Variants in FAT1 observed in about 807,000 individuals in gnomAD.
FAT1 encodes the protein FAT atypical cadherin 1, also known as protocadherin Fat 1.
FAT1 carries 171 observed loss-of-function variants against 329.8 expected under a neutral mutation model. The observed-to-expected ratio is 0.52, with a 90% confidence interval of 0.46 to 0.59. The LOEUF (loss-of-function observed/expected upper bound fraction) is 0.59. Ranked by LOEUF, FAT1 falls within the 20% of genes least tolerant of loss-of-function variation. The pLI, the probability that FAT1 is intolerant of heterozygous loss-of-function variation, is 0.00. For missense variants in FAT1, 5,672 were observed against 5,774.4 expected (o/e 0.98, Z 0.57); for synonymous variants, 2,233 against 2,228.6 (o/e 1.00, Z -0.06).
chr4:186,637,175 G>A (rs573082189), intron 4 of FAT1, among the ~76,000 whole-genome samples: 52 of 152,226 alleles, frequency 3.4e-4, no homozygotes, highest in African/African-American at 1.2e-3. Flanking sequence ...TCCTGACCAC[G>A]CAGGCTCTCT....
intron 2 of FAT1, among the ~76,000 whole-genome samples, chr4:186,671,766 G>A (rs327081): frequency 0.33 from 50,000 of 151,890 alleles, 9,003 homozygotes; most frequent in East Asian, 0.73. Flanking sequence ...CTCATAAATC[G>A]AAACCTTTGA....
intron 6 of FAT1, 146 bp from the exon 7 acceptor site, chr4:186,633,969 G>A (rs1395329123): frequency 1.2e-6 from 1 of 817,568 alleles, no homozygotes; most frequent in Non-Finnish European, 1.8e-6. Context: ...AAAGAAAAGA[G>A]TGGCCAATTA....
chr4:186,609,686 A>G, intron 15 of FAT1, 115 bp downstream of exon 15: 2 of 735,508 alleles, frequency 2.7e-6, no homozygotes, highest in Admixed American at 2.5e-5. Flanking sequence ...AGACACTTTC[A>G]AATCTCCAAA....
In FAT1 at chr4:186,709,401, T is replaced by G; in HGVS notation, c.427A>C (p.Asn143His). The change falls in exon 2 of 27, where the codon AAT becomes CAT. Residue 143 changes from asparagine (N) to histidine (H), a missense_variant. Transcript: ENST00000441802. The part of the protein sequence containing the change: ...TKVRVQVLDT[N>H]DLRPLFSPTS... ...GGTGAGAATAACGGTCTCAAGTCAT[T>G]TGTATCCAGCACCTGCACCCTGACC... is the stretch of plus-strand genomic sequence containing the variant. The G allele has an allele frequency of 6.2e-7, 1 of 1,613,952 alleles. No individual in the cohort carries two copies. The highest frequency in any genetic ancestry group is 8.5e-7 in the Non-Finnish European group (1 of 1,179,890).
chr4:186,591,258 G>A (rs913759038), intron 26 of FAT1, among the ~76,000 whole-genome samples: 5 of 152,194 alleles, frequency 3.3e-5, no homozygotes, highest in East Asian at 1.9e-4. Flanking sequence ...GCAGAAAAAC[G>A]GTCACATCCG....
chr4:186,685,424 A>G (rs1743415709), intron 2 of FAT1, among the ~76,000 whole-genome samples: 1 of 152,216 alleles, frequency 6.6e-6, no homozygotes, highest in Admixed American at 6.5e-5. Flanking sequence ...ATCTCAAATG[A>G]AACATCTTCA....
chr4:186,612,859 G>A (rs1739517728), intron 13 of FAT1, among the ~76,000 whole-genome samples: 1 of 152,210 alleles, frequency 6.6e-6, no homozygotes, highest in African/African-American at 2.4e-5. Context: ...GGGATGTGAA[G>A]ATCAGTTAAT....
At position 186,663,386 on chromosome 4, in the gene FAT1, C is replaced by A. The variant is rs2126617098; in HGVS notation, c.3493G>T (p.Asp1165Tyr). The A allele has an allele frequency of 3.1e-6, 5 of 1,614,004 alleles. No individual in the cohort carries two copies. The highest frequency in any genetic ancestry group is 4.2e-6 in the Non-Finnish European group (5 of 1,179,894). Residue 1165 changes from aspartate (D) to tyrosine (Y), a missense_variant, in exon 3 of 27, where the codon GAT (aspartate) becomes TAT (tyrosine). This residue lies in a region of FAT1 where 3,966 missense variants were observed against 3,915.2 expected (regional missense o/e 1.01). Coordinates refer to ENST00000441802, the MANE Select transcript of FAT1 (RefSeq NM_005245.4). The part of the protein sequence containing the change: ...DVSVVQIEAF[D>Y]PDSSSNDKLM... ...TTGTCATTAGAGCTCGAATCTGGAT[C>A]AAATGCCTCGATCTGGACCACAGAT...
intron 2 of FAT1, among the ~76,000 whole-genome samples, chr4:186,688,643 TAC>T (rs768231166): frequency 1.8e-5 from 1 of 55,604 alleles, no homozygotes; most frequent in African/African-American, 1.0e-4. Context: ...CCAGCAAGAG[TAC>T]CCCCCCCGCC....
chr4:186,620,954 CAG>C lies in FAT1; in HGVS notation c.5630_5631del (p.Pro1877ArgfsTer8), dbSNP rs1740013871. 1.9e-6 allele frequency: 3 copies of C among 1,613,726 alleles called. No individual in the cohort carries two copies. The highest frequency in any genetic ancestry group is 2.2e-5 in the East Asian group (1 of 44,900). On this transcript the variant is annotated frameshift_variant, in exon 10 of 27. Transcript: ENST00000441802. LOFTEE classifies it high-confidence loss of function. ...GCTTCATATAATGGCTTGGCAAACA[CAG>C]GGGGGCAGTCATTAATGTCAATTAC... The part of the protein sequence containing the change: ...VHVIDINDCP[P>X]VFAKPLYEAS...
rs766973774 is a variant in FAT1, at chr4:186,613,138, G to A, written c.9434C>T (p.Thr3145Ile). 2 of 1,612,664 alleles carry A rather than the reference G, an allele frequency of 1.2e-6. No homozygotes were observed. The highest frequency in any genetic ancestry group is 3.3e-5 in the Admixed American group (2 of 60,018). The change falls in exon 13 of 27, where the codon ACA becomes ATA. Residue 3145 changes from threonine to isoleucine, a missense_variant. Around this residue, in one of 2 missense-constraint regions of FAT1, gnomAD observed 3,966 missense variants for 3,915.2 expected, o/e 1.01. Coordinates refer to ENST00000441802, the MANE Select transcript of FAT1 (RefSeq NM_005245.4). ...FENTEPGTLL[T>I]RVQATDADAG... ...GTCGGCATCTGTGGCCTGCACTCTT[G>A]TCAGCAGCGTTCCCGGCTCTGTGTT... is the stretch of plus-strand genomic sequence containing the variant.
intron 1 of FAT1, among the ~76,000 whole-genome samples, chr4:186,712,908 G>GTGGC (rs1042854829): frequency 4.5e-4 from 68 of 151,480 alleles, no homozygotes; most frequent in African/African-American, 1.6e-3. Context: ...AAGAGACCAC[G>GTGGC]TGGCTGGAGC....
intron 26 of FAT1, 91 bp from the exon 27 acceptor site, chr4:186,589,311 G>C (rs2126359116): frequency 7.3e-7 from 1 of 1,368,108 alleles, no homozygotes; most frequent in East Asian, 2.3e-5. Flanking sequence ...ACACAAAGAT[G>C]CAACCGCATT....
At chr4:186,632,095 G>T (rs946683270) in intron 7 of FAT1, among the ~76,000 whole-genome samples, 1 of 152,266 alleles carries the variant, frequency 6.6e-6, no homozygotes, top group African/African-American at 2.4e-5. Context: ...AAGTATAAAG[G>T]AAGCAATGAA....
At chr4:186,642,735 C>T (rs1197661572) in intron 3 of FAT1, among the ~76,000 whole-genome samples, 1 of 152,176 alleles carries the variant, frequency 6.6e-6, no homozygotes, top group Non-Finnish European at 1.5e-5. Context: ...AGGGAAGAAG[C>T]TGTGGGCATA....
chr4:186,629,173 T>G (rs1740466983), intron 7 of FAT1, among the ~76,000 whole-genome samples: 1 of 152,198 alleles, frequency 6.6e-6, no homozygotes, highest in South Asian at 2.1e-4. Context: ...ACCAACCCAC[T>G]GAGGTAAGAC....
At chr4:186,673,806 G>A (rs886899543) in intron 2 of FAT1, among the ~76,000 whole-genome samples, 4 of 152,138 alleles carry the variant, frequency 2.6e-5, no homozygotes, top group African/African-American at 9.7e-5. Context: ...GGTAAGCTCT[G>A]CTAAACCATG....
At chr4:186,635,055 T>G (rs1304128411) in intron 6 of FAT1, among the ~76,000 whole-genome samples, 1 of 152,254 alleles carries the variant, frequency 6.6e-6, no homozygotes, top group Non-Finnish European at 1.5e-5. Flanking sequence ...CAGGTGCTGA[T>G]GACATCAATT....
intron 16 of FAT1, among the ~76,000 whole-genome samples, chr4:186,606,957 C>A (rs1739174480): frequency 6.6e-6 from 1 of 152,192 alleles, no homozygotes; most frequent in Non-Finnish European, 1.5e-5. Context: ...ATACCACAGG[C>A]TAGCTCCTTT....
Sources: allele counts gnomAD v4.1 joint callset (sites outside exome capture counted in the v4.1 genomes callset), GRCh38; gene constraint gnomAD v4.1.1; regional missense constraint gnomAD v4.1.1; transcripts MANE v1.5; gene names NCBI Gene and HGNC (gene_info 2026-07-23, HGNC 2026-07-21).